Variants in MYO19 observed in about 807,000 individuals in gnomAD.
The protein encoded by MYO19 is unconventional myosin-XIX.
A neutral mutation model predicts 129.2 loss-of-function variants in MYO19; 132 were observed. The observed-to-expected ratio is 1.02, with a 90% CI of 0.89 to 1.18. The LOEUF (loss-of-function observed/expected upper bound fraction) is 1.18. Ranked by LOEUF, MYO19 falls within the 50% of genes most tolerant of loss-of-function variation. The pLI is 0.00. For synonymous variants in MYO19, 531 were observed against 477.2 expected (o/e 1.11, Z -1.47); for missense variants, 1,210 against 1,216.7 (o/e 0.99, Z 0.08).
At chr17:36,514,114 C>T (rs1402141737) in intron 9 of MYO19, among the ~76,000 whole-genome samples, 1 of 152,120 alleles carries the variant, frequency 6.6e-6, no homozygotes, top group African/African-American at 2.4e-5. Context: ...CTAGGGAAGC[C>T]CTTGTTCTGT....
chr17:36,538,255 T>G (rs2074170716), upstream of MYO19: 3 of 1,613,406 alleles, frequency 1.9e-6, no homozygotes, highest in South Asian at 1.1e-5. Context: ...CTGATCCTTC[T>G]TAGTAGTTTA....
In MYO19 at chr17:36,532,691, G is replaced by A; in HGVS notation, c.-143-10C>T. The A allele has an allele frequency of 1.1e-6, 1 of 883,750 alleles. No homozygotes were observed. The highest frequency in any genetic ancestry group is 1.5e-5 in the South Asian group (1 of 65,668). The allele number at this position is 883,750 out of a possible 1,614,324, so 54.7% of individuals were successfully genotyped here. A position where few individuals can be genotyped will look rare whatever the true frequency, so the allele number is the denominator to read the frequency against. ...CAAGTCACTCCAGCGCCTGTGGCAT[G>A]AGAGAGAAGACAAGGACCACACACA... On this transcript the variant is annotated splice_polypyrimidine_tract_variant and intron_variant, in intron 2 of 25. Coordinates refer to ENST00000614623, the MANE Select transcript of MYO19 (RefSeq NM_001163735.2).
At chr17:36,531,814 C>T (rs1164224658) in intron 3 of MYO19, among the ~76,000 whole-genome samples, 1 of 152,184 alleles carries the variant, frequency 6.6e-6, no homozygotes, top group Non-Finnish European at 1.5e-5. Flanking sequence ...AGACTCTGAG[C>T]TCCTTGAGGG....
chr17:36,516,434 A>C (rs2072754498), intron 6 of MYO19, among the ~76,000 whole-genome samples: 1 of 151,676 alleles, frequency 6.6e-6, no homozygotes, highest in African/African-American at 2.4e-5. Flanking sequence ...GCAATGGCAC[A>C]ATCTCAACTC....
In MYO19 at chr17:36,511,381, C is replaced by T. The variant is rs1441550959; in HGVS notation, c.969G>A (p.Pro323=). 10 of 1,577,424 alleles carry T rather than the reference C, an allele frequency of 6.3e-6. No homozygotes were observed. The highest frequency in any genetic ancestry group is 1.8e-5 in the Admixed American group (1 of 54,702). Residue 323 remains proline (P), a synonymous_variant, in exon 12 of 26, where the codon CCG becomes CCA. Transcript: ENST00000614623. ...GACCCTCACACTTGGCATCATCCAT[C>T]GGCTGGCAGGGCTGGGCTTCATCCT... ...ASEDEAQPCQ[P]MDDAKYSVRT...
At chr17:36,528,561 A>G (rs182264048) in intron 3 of MYO19, among the ~76,000 whole-genome samples, 6 of 152,134 alleles carry the variant, frequency 3.9e-5, no homozygotes, top group Admixed American at 2.0e-4. Flanking sequence ...TGGTACTCAA[A>G]ACAGCTGGCA....
intron 3 of MYO19, 88 bp downstream of exon 3, chr17:36,532,439 A>C: frequency 6.7e-7 from 1 of 1,493,956 alleles, no homozygotes; most frequent in Admixed American, 2.0e-5. Flanking sequence ...GAGACCTTTA[A>C]GGGGGCTTTC....
chr17:36,503,979 G>A lies in MYO19; in HGVS notation c.1947C>T (p.Ile649=), dbSNP rs756566564. The change falls in exon 20 of 26, where the codon ATC becomes ATT. Residue 649 remains isoleucine, a synonymous_variant. Transcript: ENST00000614623. ...QLEACGLVET[I]HISAAGFPIR... ...TGGGGAAGCCAGCAGCACTGATATGGATGGTCTCCACGAGGCCACAGGCCT... is the reference window on the plus strand; with the variant it reads ...TGGGGAAGCCAGCAGCACTGATATGAATGGTCTCCACGAGGCCACAGGCCT... 1 of 1,591,826 alleles carries A rather than the reference G, an allele frequency of 6.3e-7. No individual in the cohort carries two copies. Among genetic ancestry groups the A allele is most frequent in the Admixed American group, 1.8e-5 (1 of 56,746 alleles).
At chr17:36,526,951 G>T (rs1241929978) in intron 5 of MYO19, among the ~76,000 whole-genome samples, 1 of 150,912 alleles carries the variant, frequency 6.6e-6, no homozygotes, top group African/African-American at 2.4e-5. Context: ...AGGCCAAGGT[G>T]GGTAGATCAC....
At position 36,511,353 on chromosome 17, in the gene MYO19, C is replaced by T. The variant is rs1273766747; in HGVS notation, c.985+12G>A. 2 of 1,567,848 alleles carry T rather than the reference C, an allele frequency of 1.3e-6. No individual in the cohort carries two copies. Among genetic ancestry groups the T allele is most frequent in the Non-Finnish European group, 1.7e-6 (2 of 1,156,308 alleles). ...TGACAGGGCCTGCCCCATCCTACAC[C>T]CTGACCCTCACACTTGGCATCATCC... On this transcript the variant is annotated intron_variant, in intron 12 of 25. Coordinates refer to ENST00000614623, the MANE Select transcript of MYO19 (RefSeq NM_001163735.2).
intron 7 of MYO19, 128 bp downstream of exon 7, chr17:36,515,730 A>T: frequency 1.1e-6 from 1 of 947,552 alleles, no homozygotes; most frequent in Non-Finnish European, 1.5e-6. Context: ...GATCTGAGGC[A>T]GTGAAGGATA....
chr17:36,502,339 C>T (rs1236181602), intron 21 of MYO19, among the ~76,000 whole-genome samples: 1 of 152,190 alleles, frequency 6.6e-6, no homozygotes, highest in Non-Finnish European at 1.5e-5. Flanking sequence ...GGACAAGTCA[C>T]CCATGCCCGG....
chr17:36,507,525 G>A lies in MYO19; in HGVS notation c.1354-13C>T. 6.2e-7 allele frequency: 1 copy of A among 1,610,034 alleles called. No individual in the cohort carries two copies. Among genetic ancestry groups the A allele is most frequent in the South Asian group, 1.1e-5 (1 of 91,016 alleles). ...CTGCGTATTCCTCCTAAAGAACAAG[G>A]TGGGATGAGGTGGGAGAAGGCAGCT... On this transcript the variant is annotated splice_polypyrimidine_tract_variant and intron_variant, in intron 15 of 25. Transcript: ENST00000614623.
intron 3 of MYO19, among the ~76,000 whole-genome samples, chr17:36,529,570 G>A (rs912213204): frequency 3.9e-5 from 6 of 152,160 alleles, no homozygotes; most frequent in African/African-American, 1.4e-4. Context: ...GCCCAGTAAT[G>A]CATTTCTTCC....
Position 36,505,293 on chromosome 17 carries a change from T to C in MYO19, c.1905+4A>G, listed in dbSNP as rs576645358. The C allele has an allele frequency of 2.4e-5, 39 of 1,613,804 alleles. No homozygotes were observed. The East Asian group carries it at 5.3e-4, about 22-fold the overall frequency. ...CGAAGCAGCTTTGGCCCGGTGTTAA[T>C]TACCTCCTCTTGGAGAAAGGTCTGC... On this transcript the variant is annotated splice_donor_region_variant and intron_variant, in intron 19 of 25. Coordinates refer to ENST00000614623, the MANE Select transcript of MYO19 (RefSeq NM_001163735.2).
intron 6 of MYO19, among the ~76,000 whole-genome samples, chr17:36,524,412 G>T (rs2073336509): frequency 6.6e-6 from 1 of 152,204 alleles, no homozygotes. Context: ...ATGGTCCAAA[G>T]AGTTCCTCAT....
At chr17:36,523,706 T>G (rs977307819) in intron 6 of MYO19, among the ~76,000 whole-genome samples, 1 of 152,144 alleles carries the variant, frequency 6.6e-6, no homozygotes, top group African/African-American at 2.4e-5. Context: ...TATGAAATAA[T>G]TATATACAGA....
At chr17:36,527,092 G>A (rs2073514373) in intron 5 of MYO19, among the ~76,000 whole-genome samples, 1 of 152,110 alleles carries the variant, frequency 6.6e-6, no homozygotes, top group East Asian at 1.9e-4. Context: ...CTTGAACTCA[G>A]GAGGTGGAGG....
At chr17:36,511,235 A>G in intron 12 of MYO19, 130 bp downstream of exon 12, 1 of 951,560 alleles carries the variant, frequency 1.1e-6, no homozygotes, top group Non-Finnish European at 1.6e-6. Context: ...ATCCAGGGCC[A>G]GGCCCTATGG....
Sources: gnomAD v4.1 joint callset for allele counts (sites outside exome capture counted in the v4.1 genomes callset) on GRCh38, gnomAD v4.1.1 for gene constraint, MANE v1.5 for transcripts, NCBI Gene and HGNC (gene_info 2026-07-23, HGNC 2026-07-21) for gene names.